Variants in NUGGC observed in about 807,000 individuals in gnomAD.
NUGGC encodes the protein nuclear GTPase SLIP-GC.
A neutral mutation model predicts 92.6 loss-of-function variants in NUGGC; 58 were observed. That is an observed-to-expected ratio of 0.63 (90% confidence interval 0.51 to 0.78). NUGGC has a LOEUF of 0.78. Ranked by LOEUF, NUGGC falls within the 30% of genes least tolerant of loss-of-function variation. The pLI is 0.00. For synonymous variants in NUGGC, 376 were observed against 366.4 expected (o/e 1.03, Z -0.30); for missense variants, 925 against 964.6 (o/e 0.96, Z 0.54).
At chr8:28,075,436 G>A (rs553242352) in intron 1 of NUGGC, among the ~76,000 whole-genome samples, 1 of 152,308 alleles carries the variant, frequency 6.6e-6, no homozygotes, top group South Asian at 2.1e-4. Context: ...TCAGAACAGA[G>A]GGCACTGCCC....
At chr8:28,051,515 A>G (rs1357180150) in intron 10 of NUGGC, among the ~76,000 whole-genome samples, 9 of 152,360 alleles carry the variant, frequency 5.9e-5, no homozygotes, top group Admixed American at 5.9e-4. Context: ...TACCTAACAT[A>G]TAAAAGAATA....
At chr8:28,050,546 C>G (rs1028136310) in intron 10 of NUGGC, among the ~76,000 whole-genome samples, 6 of 152,082 alleles carry the variant, frequency 3.9e-5, no homozygotes, top group Non-Finnish European at 1.5e-5. Context: ...TGAGGTGGCT[C>G]ATGCCTGTAA....
At chr8:28,048,620 T>C (rs1480714117) in intron 10 of NUGGC, among the ~76,000 whole-genome samples, 1 of 152,038 alleles carries the variant, frequency 6.6e-6, no homozygotes, top group Non-Finnish European at 1.5e-5. Flanking sequence ...TCCTAGCACT[T>C]TGGGAGGCCA....
chr8:28,064,522 CT>C lies in NUGGC; in HGVS notation c.920del (p.Lys307ArgfsTer8). The C allele has an allele frequency of 6.2e-7, 1 of 1,613,754 alleles. No homozygotes were observed. The highest frequency in any genetic ancestry group is 8.5e-7 in the Non-Finnish European group (1 of 1,179,664). On this transcript the variant is annotated frameshift_variant and splice_region_variant, in exon 7 of 19. Coordinates refer to ENST00000413272, the MANE Select transcript of NUGGC (RefSeq NM_001010906.2). LOFTEE classifies it high-confidence loss of function. ...AACTAAACCTACGAAAGACAGTCACCTTTTTCCACATCTCGTCCCTCTTGCT... is the reference window on the plus strand; with the variant it reads ...AACTAAACCTACGAAAGACAGTCACCTTTTCCACATCTCGTCCCTCTTGCT... ...FNSKRDEMWK[K>X]TIDKCSVIWV...
chr8:28,080,320 T>G (rs1810820313), intron 1 of NUGGC, among the ~76,000 whole-genome samples: 1 of 152,194 alleles, frequency 6.6e-6, no homozygotes, highest in South Asian at 2.1e-4. Context: ...GAGGAATACA[T>G]TTTCACTGCA....
intron 1 of NUGGC, among the ~76,000 whole-genome samples, chr8:28,082,064 T>C (rs1325238789): frequency 6.6e-6 from 1 of 152,154 alleles, no homozygotes; most frequent in African/African-American, 2.4e-5. Flanking sequence ...TGGCAACATT[T>C]CCTAACCACC....
intron 1 of NUGGC, among the ~76,000 whole-genome samples, chr8:28,079,872 G>A (rs1810807183): frequency 6.6e-6 from 1 of 152,198 alleles, no homozygotes; most frequent in African/African-American, 2.4e-5. Context: ...TGCAGGAACT[G>A]AAGCTGAAGC....
At chr8:28,073,027 G>A (rs935797072) in intron 2 of NUGGC, among the ~76,000 whole-genome samples, 2 of 148,466 alleles carry the variant, frequency 1.3e-5, no homozygotes, top group Non-Finnish European at 1.5e-5. Flanking sequence ...TTTTTGAGAC[G>A]AGGTCTCCAC....
chr8:28,024,988 C>T (rs1420658396), intron 18 of NUGGC, among the ~76,000 whole-genome samples: 1 of 152,142 alleles, frequency 6.6e-6, no homozygotes, highest in Non-Finnish European at 1.5e-5. Flanking sequence ...CTGTCCCGTA[C>T]CTCAGCATCC....
At chr8:28,024,685 G>A (rs899869295) in intron 18 of NUGGC, among the ~76,000 whole-genome samples, 1 of 152,090 alleles carries the variant, frequency 6.6e-6, no homozygotes, top group Non-Finnish European at 1.5e-5. Flanking sequence ...CCTGAGCCTG[G>A]CCAGGGATGG....
In NUGGC at chr8:28,064,611, TG is replaced by T; in HGVS notation, c.831del (p.Lys278AsnfsTer4). 1 of 1,614,048 alleles carries T rather than the reference TG, an allele frequency of 6.2e-7. No individual in the cohort carries two copies. Among genetic ancestry groups the T allele is most frequent in the Non-Finnish European group, 8.5e-7 (1 of 1,179,902 alleles). On this transcript the variant is annotated frameshift_variant, in exon 7 of 19. Coordinates refer to ENST00000413272, the MANE Select transcript of NUGGC (RefSeq NM_001010906.2). LOFTEE classifies it high-confidence loss of function. ...PLIKHVEVTL[P>X]KSDLIPEGVV... ...ACCCCTTCTGGGATCAGGTCGGATT[TG>T]GGAAGTGTCACTTCCACATGTTTGA... is the stretch of plus-strand genomic sequence containing the variant.
At chr8:28,059,014 A>T (rs1810223633) in intron 8 of NUGGC, among the ~76,000 whole-genome samples, 1 of 152,068 alleles carries the variant, frequency 6.6e-6, no homozygotes, top group Non-Finnish European at 1.5e-5. Flanking sequence ...TAATTGTGTT[A>T]ATTTTAGTGT....
In NUGGC at chr8:28,041,141, T is replaced by C. The variant is rs1223360623; in HGVS notation, c.1521A>G (p.Ala507=). The change falls in exon 13 of 19, where the codon GCA becomes GCG. Residue 507 remains alanine, a synonymous_variant. Transcript: ENST00000413272. ...GCTGCTCCATGCAGGCGAAGCACTGTGCGATGGCCTTCTCCAGCAGCTCAA... is the reference window on the plus strand; with the variant it reads ...GCTGCTCCATGCAGGCGAAGCACTGCGCGATGGCCTTCTCCAGCAGCTCAA... ...EKVELLEKAI[A]QCFACMEQPL... 4 of 1,610,446 alleles carry C rather than the reference T, an allele frequency of 2.5e-6. 1 individual carries two copies. Among genetic ancestry groups the C allele is most frequent in the South Asian group, 2.2e-5 (2 of 89,810 alleles).
At chr8:28,059,680 T>A (rs967745906) in intron 8 of NUGGC, among the ~76,000 whole-genome samples, 1 of 152,072 alleles carries the variant, frequency 6.6e-6, no homozygotes, top group Non-Finnish European at 1.5e-5. Flanking sequence ...AAAATAAAAA[T>A]TTAATGATTT....
chr8:28,031,112 G>C (rs2305455), intron 15 of NUGGC, 131 bp downstream of exon 15: 2 of 984,618 alleles, frequency 2.0e-6, no homozygotes, highest in Non-Finnish European at 3.1e-6. Flanking sequence ...ATTTCACAGC[G>C]CCTCCTAGGA....
At chr8:28,067,818 G>GC (rs1810480188) in intron 5 of NUGGC, 74 bp from the exon 6 acceptor site, 1 of 1,189,924 alleles carries the variant, frequency 8.4e-7, no homozygotes, top group African/African-American at 1.5e-5. Context: ...GGGGCCCATT[G>GC]CCCCCTGTGG....
intron 11 of NUGGC, among the ~76,000 whole-genome samples, chr8:28,046,913 C>T (rs1384696988): frequency 3.3e-5 from 5 of 152,004 alleles, no homozygotes; most frequent in African/African-American, 1.2e-4. Flanking sequence ...AGGGGATCAA[C>T]CCACCTCGAC....
At chr8:28,045,097 G>A (rs1186601272) in intron 12 of NUGGC, among the ~76,000 whole-genome samples, 1 of 152,096 alleles carries the variant, frequency 6.6e-6, no homozygotes, top group East Asian at 1.9e-4. Flanking sequence ...TTATTTTCCT[G>A]TGCTCTTCTG....
chr8:28,071,719 T>C (rs1209010152), intron 2 of NUGGC, among the ~76,000 whole-genome samples: 3 of 152,166 alleles, frequency 2.0e-5, no homozygotes, highest in Non-Finnish European at 4.4e-5. Flanking sequence ...CCCCTGGTCA[T>C]GTTTACCTGG....
Sources: gnomAD v4.1 joint callset for allele counts (sites outside exome capture counted in the v4.1 genomes callset) on GRCh38, gnomAD v4.1.1 for gene constraint, MANE v1.5 for transcripts, NCBI Gene and HGNC (gene_info 2026-07-23, HGNC 2026-07-21) for gene names.